KLHL1: variants seen among roughly 807,000 people sequenced by gnomAD.
KLHL1 encodes kelch-like protein 1.
Under a neutral mutation model 77.7 loss-of-function variants are expected in KLHL1, and 47 were observed. The ratio of observed to expected loss-of-function variants is 0.60; its 90% CI spans 0.48 to 0.77. The LOEUF (loss-of-function observed/expected upper bound fraction) is 0.77, where lower values mean the gene tolerates loss of function less well. Ranked by LOEUF, KLHL1 falls within the 30% of genes least tolerant of loss-of-function variation. KLHL1 has a pLI of 0.00. For missense variants in KLHL1, 925 were observed against 910.8 expected (o/e 1.02, Z -0.20); for synonymous variants, 360 against 325.2 (o/e 1.11, Z -1.15).
intron 1 of KLHL1, among the ~76,000 whole-genome samples, chr13:70,074,972 A>C (rs531413013): frequency 6.6e-6 from 1 of 152,094 alleles, no homozygotes; most frequent in Non-Finnish European, 1.5e-5. Flanking sequence ...AATACCATTT[A>C]TAATAATGGA....
intron 1 of KLHL1, among the ~76,000 whole-genome samples, chr13:70,054,326 T>A (rs905403377): frequency 6.6e-6 from 1 of 152,126 alleles, no homozygotes; most frequent in Non-Finnish European, 1.5e-5. Context: ...GCCATCTCTG[T>A]TTTGGACTTT....
intron 7 of KLHL1, among the ~76,000 whole-genome samples, chr13:69,773,822 T>G (rs2137987637): frequency 6.6e-6 from 1 of 151,584 alleles, no homozygotes; most frequent in Non-Finnish European, 1.5e-5. Context: ...ATGTTTATCT[T>G]GTTTACAATT....
chr13:70,016,144 T>G (rs572434682), intron 1 of KLHL1, among the ~76,000 whole-genome samples: 1 of 152,352 alleles, frequency 6.6e-6, no homozygotes, highest in South Asian at 2.1e-4. Flanking sequence ...TAATCAATCT[T>G]GTCCTCAAAA....
chr13:69,783,487 T>C (rs1158146480), intron 7 of KLHL1, among the ~76,000 whole-genome samples: 1 of 151,986 alleles, frequency 6.6e-6, no homozygotes, highest in Non-Finnish European at 1.5e-5. Flanking sequence ...TTAAAGGAGC[T>C]GATGGAGCTG....
intron 1 of KLHL1, among the ~76,000 whole-genome samples, chr13:70,046,575 C>T (rs986535562): frequency 6.6e-6 from 1 of 152,204 alleles, no homozygotes; most frequent in Admixed American, 6.5e-5. Flanking sequence ...GCAACCTGCG[C>T]CTCCCAGGCT....
chr13:70,055,396 A>G (rs1226505626), intron 1 of KLHL1, among the ~76,000 whole-genome samples: 1 of 152,142 alleles, frequency 6.6e-6, no homozygotes, highest in Non-Finnish European at 1.5e-5. Context: ...CAACACCAGA[A>G]CTGTCCTACA....
At chr13:69,897,619 T>C (rs898834346) in intron 4 of KLHL1, among the ~76,000 whole-genome samples, 4 of 151,988 alleles carry the variant, frequency 2.6e-5, no homozygotes, top group Admixed American at 6.6e-5. Context: ...TCCTCCAGAG[T>C]GCGTTGACTA....
chr13:70,030,623 T>C (rs1159097923), intron 1 of KLHL1, among the ~76,000 whole-genome samples: 6 of 152,164 alleles, frequency 3.9e-5, no homozygotes, highest in Middle Eastern at 6.8e-3. Flanking sequence ...TAGCACTAAA[T>C]GCCCACAAGA....
intron 1 of KLHL1, 31 bp from the exon 2 acceptor site, chr13:69,975,833 CAA>C (rs1491120894): frequency 6.7e-7 from 1 of 1,502,672 alleles, no homozygotes; most frequent in East Asian, 2.5e-5. Flanking sequence ...CACACACACA[CAA>C]AATAATAAAG....
At chr13:70,070,092 C>T (rs1413017701) in intron 1 of KLHL1, among the ~76,000 whole-genome samples, 4 of 150,910 alleles carry the variant, frequency 2.7e-5, no homozygotes, top group Non-Finnish European at 4.4e-5. Flanking sequence ...GGTGTGAACC[C>T]AGGAGGCAGA....
At chr13:69,847,749 C>T (rs923690992) in intron 5 of KLHL1, among the ~76,000 whole-genome samples, 1 of 151,332 alleles carries the variant, frequency 6.6e-6, no homozygotes, top group Non-Finnish European at 1.5e-5. Flanking sequence ...TAAAAATAAA[C>T]TCAGAATTTG....
chr13:69,859,258 C>CTTTTTTTTTT (rs34612932), intron 5 of KLHL1, among the ~76,000 whole-genome samples: 1 of 143,512 alleles, frequency 7.0e-6, no homozygotes. Context: ...CCATTTTGCA[C>CTTTTTTTTTT]TTTTTTTTTT....
chr13:69,852,033 A>G (rs570313359), intron 5 of KLHL1, among the ~76,000 whole-genome samples: 1 of 152,060 alleles, frequency 6.6e-6, no homozygotes, highest in South Asian at 2.1e-4. Context: ...CTTGTAAAAT[A>G]GAAAAATTAT....
intron 6 of KLHL1, among the ~76,000 whole-genome samples, chr13:69,837,331 A>G (rs1291552993): frequency 6.6e-6 from 1 of 151,710 alleles, no homozygotes; most frequent in Non-Finnish European, 1.5e-5. Context: ...GTTAAGCTCA[A>G]GTAAACTGTG....
At chr13:69,985,156 G>C (rs1360735478) in intron 1 of KLHL1, among the ~76,000 whole-genome samples, 1 of 151,880 alleles carries the variant, frequency 6.6e-6, no homozygotes, top group African/African-American at 2.4e-5. Flanking sequence ...AAAAACCTCT[G>C]TGCAAAAAAA....
At chr13:69,993,610 ATGCT>A (rs1885078790) in intron 1 of KLHL1, among the ~76,000 whole-genome samples, 1 of 152,128 alleles carries the variant, frequency 6.6e-6, no homozygotes, top group Non-Finnish European at 1.5e-5. Flanking sequence ...CCATGTTGCC[ATGCT>A]GACTGTGAAT....
chr13:69,702,154 T>G (rs1875424267), intron 10 of KLHL1, among the ~76,000 whole-genome samples: 1 of 151,748 alleles, frequency 6.6e-6, no homozygotes, highest in Non-Finnish European at 1.5e-5. Flanking sequence ...CTGCAATGAT[T>G]TTGAAGTTAT....
chr13:70,108,239 G>T lies in KLHL1; in HGVS notation c.-540C>A. 2.6e-6 allele frequency: 1 copy of T among 389,474 alleles called. No homozygotes were observed. The highest frequency in any genetic ancestry group is 4.5e-6 in the Non-Finnish European group (1 of 221,002). 24.1% of individuals were successfully genotyped at this position (389,474 alleles called of 1,614,324 possible). On this transcript the variant is annotated 5_prime_UTR_variant, in exon 1 of 11. The change creates a new upstream start codon in the 5' untranslated region. Coordinates refer to ENST00000377844, the MANE Select transcript of KLHL1 (RefSeq NM_020866.3). ...TCTCGAGGAAGCGTACCCCTCGCCAGATCTCTTGGTGCACCTGCGCCCCTG... is the reference window on the plus strand; with the variant it reads ...TCTCGAGGAAGCGTACCCCTCGCCATATCTCTTGGTGCACCTGCGCCCCTG...
chr13:69,986,184 T>C (rs1387460840), intron 1 of KLHL1, among the ~76,000 whole-genome samples: 1 of 151,820 alleles, frequency 6.6e-6, no homozygotes, highest in African/African-American at 2.4e-5. Context: ...GAGGAGACTG[T>C]GGGGAGAGAA....
Sources: gnomAD v4.1 joint callset for allele counts (sites outside exome capture counted in the v4.1 genomes callset) on GRCh38, gnomAD v4.1.1 for gene constraint, MANE v1.5 for transcripts, NCBI Gene and HGNC (gene_info 2026-07-23, HGNC 2026-07-21) for gene names.